The following SEMA5B variants were observed in gnomAD, a reference collection of about 807,000 sequenced individuals.
SEMA5B encodes the protein semaphorin-5B.
SEMA5B carries 66 observed loss-of-function variants against 135.0 expected under a neutral mutation model. That is an observed-to-expected ratio of 0.49 (90% confidence interval 0.40 to 0.60). The LOEUF (loss-of-function observed/expected upper bound fraction) is 0.60, where lower values mean the gene tolerates loss of function less well. Ranked by LOEUF, SEMA5B falls within the 20% of genes least tolerant of loss-of-function variation. The pLI is 0.00. For missense variants in SEMA5B, 1,501 were observed against 1,566.3 expected (o/e 0.96, Z 0.70); for synonymous variants, 690 against 639.5 (o/e 1.08, Z -1.19).
intron 1 of SEMA5B, among the ~76,000 whole-genome samples, chr3:123,019,370 T>A (rs1942627834): frequency 1.3e-5 from 2 of 151,800 alleles, no homozygotes; most frequent in African/African-American, 4.8e-5. Flanking sequence ...CCAAGGGAGG[T>A]AGATCACTTG....
chr3:123,021,623 A>G (rs1346394330), intron 1 of SEMA5B, among the ~76,000 whole-genome samples: 3 of 152,212 alleles, frequency 2.0e-5, no homozygotes, highest in African/African-American at 7.2e-5. Context: ...CAGGTAGACC[A>G]GTGGGACTGG....
intron 12 of SEMA5B, 66 bp from the exon 13 acceptor site, chr3:122,915,956 A>G: frequency 8.9e-7 from 1 of 1,123,056 alleles, no homozygotes; most frequent in Non-Finnish European, 1.4e-6. Context: ...TCTCAGGAAC[A>G]CACGTGAACA....
intron 5 of SEMA5B, among the ~76,000 whole-genome samples, chr3:122,934,683 T>C (rs74634814): frequency 0.051 from 7,742 of 152,224 alleles, 249 homozygotes; most frequent in Middle Eastern, 0.11. Flanking sequence ...TAACTGGACA[T>C]TTAGTGATAT....
At chr3:122,977,995 T>C (rs1941387471) in intron 1 of SEMA5B, among the ~76,000 whole-genome samples, 2 of 152,366 alleles carry the variant, frequency 1.3e-5, no homozygotes, top group South Asian at 4.1e-4. Flanking sequence ...CCAGACCACC[T>C]CTGCAAGACT....
chr3:123,014,760 G>A (rs1313794569), intron 1 of SEMA5B, among the ~76,000 whole-genome samples: 1 of 152,132 alleles, frequency 6.6e-6, no homozygotes, highest in African/African-American at 2.4e-5. Flanking sequence ...AATAAATTAG[G>A]GAAAAATGTA....
chr3:122,944,476 T>C (rs1050196931), intron 3 of SEMA5B, among the ~76,000 whole-genome samples: 18 of 152,182 alleles, frequency 1.2e-4, no homozygotes, highest in African/African-American at 4.1e-4. Flanking sequence ...TTCCTAGATC[T>C]CCAGGCTCAG....
chr3:122,948,826 T>A, intron 2 of SEMA5B, 117 bp from the exon 3 acceptor site: 1 of 829,262 alleles, frequency 1.2e-6, no homozygotes, highest in Non-Finnish European at 1.8e-6. Flanking sequence ...CTATTGTATT[T>A]ATGTTACTCA....
chr3:122,967,700 C>G (rs1940929525), intron 1 of SEMA5B, among the ~76,000 whole-genome samples: 1 of 152,250 alleles, frequency 6.6e-6, no homozygotes, highest in Non-Finnish European at 1.5e-5. Flanking sequence ...TTGGCCTCAT[C>G]CTGTGCTCTA....
At chr3:122,967,414 G>T (rs978772966) in intron 1 of SEMA5B, among the ~76,000 whole-genome samples, 5 of 152,212 alleles carry the variant, frequency 3.3e-5, no homozygotes, top group Non-Finnish European at 5.9e-5. Flanking sequence ...AGTAGCAGGT[G>T]CTGTTGGTGC....
At chr3:122,924,377 T>C (rs1217526968) in intron 9 of SEMA5B, among the ~76,000 whole-genome samples, 2 of 152,102 alleles carry the variant, frequency 1.3e-5, no homozygotes, top group Non-Finnish European at 2.9e-5. Context: ...CCCAAATGTG[T>C]CCATTTCTCT....
chr3:122,937,588 TG>T (rs2107504854), intron 5 of SEMA5B, among the ~76,000 whole-genome samples: 1 of 152,256 alleles, frequency 6.6e-6, no homozygotes, highest in African/African-American at 2.4e-5. Flanking sequence ...CAGTTCCTGG[TG>T]CTTTGGGGGC....
chr3:122,926,636 A>G lies in SEMA5B; in HGVS notation c.892T>C (p.Tyr298His). Residue 298 changes from tyrosine to histidine, a missense_variant, in exon 9 of 23, where the codon TAC becomes CAC. Physicochemically the swap from Tyr to His is moderately conservative, Grantham distance 83. Coordinates refer to ENST00000357599, the MANE Select transcript of SEMA5B (RefSeq NM_001031702.4). ...ACTGCGTTCTCCCGCAGGAAGAAGT[A>G]TGCAAACAGCCCAATATCATAGGCT... ...VAAYDIGLFA[Y>H]FFLRENAVEH... 6.2e-7 allele frequency: 1 copy of G among 1,614,222 alleles called. No homozygotes were observed. The highest frequency in any genetic ancestry group is 8.5e-7 in the Non-Finnish European group (1 of 1,180,032).
chr3:122,913,370 A>G lies in SEMA5B; in HGVS notation c.2335T>C (p.Trp779Arg). ...ACGTTCACGGGCAGCCACGGCGTCC[A>G]GGGGGTGTTGCGCCGCACTTCGGGG... Reference protein sequence around the residue: ...GCPEVRRNTPWTPWLPVNVTQ... With the variant: ...GCPEVRRNTPRTPWLPVNVTQ... The change falls in exon 17 of 23, where the codon TGG becomes CGG. Residue 779 changes from tryptophan (W) to arginine (R), a missense_variant. Trp to Arg is a moderately radical substitution (Grantham distance 101). Coordinates refer to ENST00000357599, the MANE Select transcript of SEMA5B (RefSeq NM_001031702.4). 2 of 1,583,646 alleles carry G rather than the reference A, an allele frequency of 1.3e-6. No homozygotes were observed. Among genetic ancestry groups the G allele is most frequent in the Non-Finnish European group, 1.7e-6 (2 of 1,171,222 alleles).
At chr3:122,989,400 T>G (rs1011187992) in intron 1 of SEMA5B, among the ~76,000 whole-genome samples, 4 of 152,184 alleles carry the variant, frequency 2.6e-5, no homozygotes, top group Non-Finnish European at 5.9e-5. Context: ...AGAGGCAGTG[T>G]CCTGGCTCTG....
chr3:122,929,536 G>A (rs988934107), intron 5 of SEMA5B, among the ~76,000 whole-genome samples: 1 of 152,174 alleles, frequency 6.6e-6, no homozygotes, highest in African/African-American at 2.4e-5. Context: ...TGACAACTCT[G>A]GGCTTTTTCC....
intron 1 of SEMA5B, among the ~76,000 whole-genome samples, chr3:123,003,908 A>G (rs905016503): frequency 2.6e-5 from 4 of 152,348 alleles, no homozygotes; most frequent in Non-Finnish European, 5.9e-5. Context: ...TGCCAAGAAC[A>G]ATCAGGGCAG....
At chr3:122,913,460 C>A (rs754423405) in intron 16 of SEMA5B, 36 bp from the exon 17 acceptor site, 42 of 1,559,018 alleles carry the variant, frequency 2.7e-5, no homozygotes, top group Non-Finnish European at 3.5e-5. Flanking sequence ...TAGAACCCCA[C>A]GGCCTCCAGG....
chr3:122,970,613 A>C (rs1419299504), intron 1 of SEMA5B, among the ~76,000 whole-genome samples: 1 of 152,232 alleles, frequency 6.6e-6, no homozygotes, highest in Non-Finnish European at 1.5e-5. Flanking sequence ...TTAGAAGTTA[A>C]AAGTCAGAAG....
At chr3:123,004,796 GCT>G (rs1942265077) in intron 1 of SEMA5B, among the ~76,000 whole-genome samples, 1 of 152,196 alleles carries the variant, frequency 6.6e-6, no homozygotes, top group Admixed American at 6.5e-5. Flanking sequence ...TTAGGATGTT[GCT>G]CTTTTAGAGC....
Sources: allele counts gnomAD v4.1 joint callset (sites outside exome capture counted in the v4.1 genomes callset), GRCh38; gene constraint gnomAD v4.1.1; transcripts MANE v1.5; gene names NCBI Gene and HGNC (gene_info 2026-07-23, HGNC 2026-07-21).